The following AFTPH variants were observed in gnomAD, a reference collection of about 807,000 sequenced individuals.
AFTPH encodes aftiphilin.
Under a neutral mutation model 72.5 loss-of-function variants are expected in AFTPH, and 7 were observed. That is an observed-to-expected ratio of 0.10 (90% CI 0.05 to 0.18). The LOEUF is 0.18. Among genes scored for constraint, AFTPH ranks in the 10% least tolerant of loss-of-function variants. The pLI, the probability that AFTPH is intolerant of heterozygous loss-of-function variation, is 1.00. For missense variants in AFTPH, 979 were observed against 1,060.5 expected (o/e 0.92, Z 1.07); for synonymous variants, 337 against 370.1 (o/e 0.91, Z 1.03).
rs1671406882 is a variant in AFTPH, at chr2:64,556,813, A to G, written c.1935+3404A>G. Among the ~76,000 whole-genome samples, 4 of 152,240 alleles carry G rather than the reference A, an allele frequency of 2.6e-5. No individual in the cohort carries two copies. In the South Asian group the frequency reaches 8.3e-4, roughly 31 times the overall value. ...TCTCAGAGGGTTCAAGCTTTGATGT[A>G]AAAGCCATATATGAACATTATTGAG... On this transcript the variant is annotated intron_variant, in intron 2 of 8. Transcript: ENST00000238856.
exon 2 of AFTPH, chr2:64,553,008 C>G: frequency 1.2e-6 from 2 of 1,614,058 alleles, no homozygotes; most frequent in Non-Finnish European, 1.7e-6. Context: ...AGAAGAATGT[C>G]AATTGGCAAG....
At chr2:64,557,802 T>G (rs1671473490) in intron 2 of AFTPH, among the ~76,000 whole-genome samples, 1 of 152,284 alleles carries the variant, frequency 6.6e-6, no homozygotes, top group Non-Finnish European at 1.5e-5. Context: ...TTAGCTTTCC[T>G]TATAGATCTT....
intron 2 of AFTPH, among the ~76,000 whole-genome samples, chr2:64,559,518 A>C (rs1353945800): frequency 6.6e-6 from 1 of 152,186 alleles, no homozygotes; most frequent in Non-Finnish European, 1.5e-5. Flanking sequence ...GCTCAAGTCC[A>C]ACTGAAGTAC....
intron 1 of AFTPH, among the ~76,000 whole-genome samples, chr2:64,534,136 T>TTTA (rs1669766304): frequency 1.3e-5 from 2 of 152,308 alleles, no homozygotes; most frequent in South Asian, 4.1e-4. Context: ...TTTGCTGTGG[T>TTTA]TTATCATCTC....
intron 2 of AFTPH, among the ~76,000 whole-genome samples, chr2:64,559,704 C>A (rs190627415): frequency 6.6e-6 from 1 of 152,020 alleles, no homozygotes; most frequent in Non-Finnish European, 1.5e-5. Context: ...CATGTTTTCG[C>A]GTTCTTTGGT....
chr2:64,539,943 T>C lies in AFTPH; in HGVS notation c.-32-11500T>C, dbSNP rs1670127835. 2.6e-5 allele frequency among the ~76,000 whole-genome samples: 4 copies of C among 152,080 alleles called. No individual in the cohort carries two copies. The South Asian group carries it at 8.3e-4, about 32-fold the overall frequency. On this transcript the variant is annotated intron_variant, in intron 1 of 8. Coordinates refer to ENST00000238856, the Ensembl canonical transcript of AFTPH. ...GAAGAGAGGATTCTGTTTTGTTTTG[T>C]TTTGTTCTGATTTGTTTTGAGTATG...
At chr2:64,538,918 A>T (rs1285043524) in intron 1 of AFTPH, among the ~76,000 whole-genome samples, 1 of 152,216 alleles carries the variant, frequency 6.6e-6, no homozygotes, top group Non-Finnish European at 1.5e-5. Context: ...TGTGATGTAG[A>T]AAGCAGCACT....
At chr2:64,528,800 G>A (rs187932768) in intron 1 of AFTPH, among the ~76,000 whole-genome samples, 188 of 152,240 alleles carry the variant, frequency 1.2e-3, no homozygotes, top group African/African-American at 3.3e-3. Context: ...AGTGTTTTAG[G>A]GTCCTTACAG....
At chr2:64,586,281 G>C (rs755866947) in intron 8 of AFTPH, among the ~76,000 whole-genome samples, 1 of 152,278 alleles carries the variant, frequency 6.6e-6, no homozygotes, top group East Asian at 1.9e-4. Flanking sequence ...TGATTGACAC[G>C]CCAGCTCTGC....
chr2:64,569,201 A>C, exon 4 of AFTPH: 1 of 1,613,584 alleles, frequency 6.2e-7, no homozygotes, highest in African/African-American at 1.3e-5. Flanking sequence ...CTCCTTGGGA[A>C]TAGACACCCG....
chr2:64,539,085 G>C (rs1670055487), intron 1 of AFTPH, among the ~76,000 whole-genome samples: 1 of 151,944 alleles, frequency 6.6e-6, no homozygotes, highest in African/African-American at 2.4e-5. Flanking sequence ...ACTTAGTCTT[G>C]ACCAAAATGC....
chr2:64,576,548 A>G (rs1034284213), intron 6 of AFTPH, among the ~76,000 whole-genome samples: 3 of 152,170 alleles, frequency 2.0e-5, no homozygotes, highest in African/African-American at 7.2e-5. Flanking sequence ...CTGAATTTCA[A>G]GGTCACACCA....
intron 2 of AFTPH, among the ~76,000 whole-genome samples, chr2:64,555,555 TCACACACACACACA>T (rs111905151): frequency 2.6e-4 from 36 of 140,870 alleles, no homozygotes; most frequent in East Asian, 8.3e-4. Context: ...AGAGAGACTG[TCACACACACACACA>T]CACACACACA....
chr2:64,561,776 A>C (rs1347673866), intron 2 of AFTPH, among the ~76,000 whole-genome samples: 2 of 152,234 alleles, frequency 1.3e-5, no homozygotes, highest in East Asian at 3.8e-4. Flanking sequence ...CTAAGTGTGC[A>C]TTTATTTGTT....
intron 1 of AFTPH, among the ~76,000 whole-genome samples, chr2:64,532,904 A>G (rs759174728): frequency 1.3e-5 from 2 of 152,320 alleles, no homozygotes; most frequent in African/African-American, 4.8e-5. Context: ...CACTTTGTGT[A>G]AAAATGAAGG....
intron 1 of AFTPH, among the ~76,000 whole-genome samples, chr2:64,550,046 C>A (rs566046206): frequency 3.9e-5 from 6 of 152,078 alleles, no homozygotes; most frequent in African/African-American, 1.4e-4. Flanking sequence ...TGCTACATGA[C>A]GCAGCATTCA....
At chr2:64,578,558 ATTTTTT>A (rs11366274) in intron 6 of AFTPH, among the ~76,000 whole-genome samples, 2 of 146,276 alleles carry the variant, frequency 1.4e-5, no homozygotes, top group Non-Finnish European at 1.5e-5. Flanking sequence ...GGAATAGTGA[ATTTTTT>A]TTTTTTTTTT....
intron 1 of AFTPH, among the ~76,000 whole-genome samples, chr2:64,546,557 A>G (rs1441847623): frequency 6.6e-6 from 1 of 152,168 alleles, no homozygotes; most frequent in African/African-American, 2.4e-5. Flanking sequence ...AGGCATATAA[A>G]TCTCTTTGAA....
At chr2:64,584,127 C>G (rs1573045170) in intron 7 of AFTPH, among the ~76,000 whole-genome samples, 1 of 152,046 alleles carries the variant, frequency 6.6e-6, no homozygotes, top group South Asian at 2.1e-4. Flanking sequence ...CGCCCGGCAA[C>G]TCATGAACTT....
Sources: gnomAD v4.1 joint callset for allele counts (sites outside exome capture counted in the v4.1 genomes callset) on GRCh38, gnomAD v4.1.1 for gene constraint, MANE v1.5 for transcripts, NCBI Gene and HGNC (gene_info 2026-07-23, HGNC 2026-07-21) for gene names.